Variants in CACNA1B observed in about 807,000 individuals in gnomAD.
CACNA1B encodes the protein voltage-dependent N-type calcium channel subunit alpha-1B.
Under a neutral mutation model 247.2 loss-of-function variants are expected in CACNA1B, and 70 were observed. That is an observed-to-expected ratio of 0.28 (90% CI 0.23 to 0.35). The LOEUF (loss-of-function observed/expected upper bound fraction) is 0.35. Ranked by LOEUF, CACNA1B falls within the 10% of genes least tolerant of loss-of-function variation. CACNA1B has a pLI of 1.00. For synonymous variants in CACNA1B, 1,231 were observed against 1,294.4 expected (o/e 0.95, Z 1.05); for missense variants, 2,367 against 3,197.4 (o/e 0.74, Z 6.26).
At position 138,117,867 on chromosome 9, in the gene CACNA1B, C is replaced by T. The variant is rs981616532; in HGVS notation, c.5778-79C>T. On this transcript the variant is annotated intron_variant, in intron 42 of 46. Coordinates refer to ENST00000371372, the MANE Select transcript of CACNA1B (RefSeq NM_000718.4). The stretch of plus-strand genomic sequence containing the variant: ...TGCTGCATGTGTTGGAGACGCCTGG[C>T]AGGTTGAAGCACCAGGCTATTGGTA... 4 of 1,150,862 alleles carry T rather than the reference C, an allele frequency of 3.5e-6. No homozygotes were observed. The African/African-American group carries it at 6.2e-5, about 18-fold the overall frequency. 71.3% of individuals were successfully genotyped at this position (1,150,862 alleles called of 1,614,324 possible). A position where few individuals can be genotyped will look rare whatever the true frequency, so the allele number is the denominator to read the frequency against.
chr9:138,117,903 A>T, intron 42 of CACNA1B, 43 bp from the exon 43 acceptor site: 1 of 1,496,374 alleles, frequency 6.7e-7, no homozygotes, highest in Admixed American at 2.0e-5. Flanking sequence ...AGGCACCTGC[A>T]GTCTCTGACC....
intron 20 of CACNA1B, chr9:138,032,837 G>T: frequency 2.7e-6 from 1 of 365,726 alleles, no homozygotes; most frequent in Non-Finnish European, 5.3e-6. Context: ...TCAGAAGTTT[G>T]ATTACAGTGT....
At position 137,981,482 on chromosome 9, in the gene CACNA1B, T is replaced by A. The variant is rs150425995; in HGVS notation, c.1657-2656T>A. The stretch of plus-strand genomic sequence containing the variant: ...CCCCTGGTTGATTAAGCATGTTTTC[T>A]ACCTTTTTTTGTGTGTGTGTGTCTC... On this transcript the variant is annotated intron_variant, in intron 12 of 46. Transcript: ENST00000371372. Among the ~76,000 whole-genome samples the A allele has an allele frequency of 3.3e-5, 5 of 152,346 alleles. No individual in the cohort carries two copies. In the East Asian group the frequency reaches 7.7e-4, roughly 23 times the overall value.
Position 138,023,326 on chromosome 9 carries a change from C to T in CACNA1B, c.2583C>T (p.Pro861=), listed in dbSNP as rs541063439. ...GGCACCGCGACAAGGACAAGACCCC[C>T]GCGGCGGGGGACCAGGACCGAGCAG... The part of the protein sequence containing the change: ...HHRHRDKDKT[P]AAGDQDRAEA... Residue 861 remains proline (P), a synonymous_variant, in exon 19 of 47, where the codon CCC becomes CCT. Coordinates refer to ENST00000371372, the MANE Select transcript of CACNA1B (RefSeq NM_000718.4). The T allele has an allele frequency of 5.0e-5, 76 of 1,507,198 alleles. No individual in the cohort carries two copies. The Middle Eastern group carries it at 5.9e-4, about 12-fold the overall frequency. 93.4% of individuals were successfully genotyped at this position (1,507,198 alleles called of 1,614,324 possible). A position where few individuals can be genotyped will look rare whatever the true frequency, so the allele number is the denominator to read the frequency against.
intron 20 of CACNA1B, among the ~76,000 whole-genome samples, chr9:138,038,330 A>T (rs1959071729): frequency 6.6e-6 from 1 of 152,152 alleles, no homozygotes; most frequent in Non-Finnish European, 1.5e-5. Flanking sequence ...ATGTTCCAGG[A>T]TCGTTGTGCA....
intron 18 of CACNA1B, among the ~76,000 whole-genome samples, chr9:138,017,412 C>A (rs972417971): frequency 2.6e-5 from 4 of 152,242 alleles, no homozygotes; most frequent in African/African-American, 7.2e-5. Context: ...CTGCGCTCAG[C>A]GCCTCCTCCT....
chr9:137,926,522 G>A (rs1957553216), intron 6 of CACNA1B, among the ~76,000 whole-genome samples: 1 of 152,188 alleles, frequency 6.6e-6, no homozygotes, highest in Non-Finnish European at 1.5e-5. Flanking sequence ...TTGAGACCTT[G>A]CTTTCAATTC....
In CACNA1B at chr9:138,043,874, C is replaced by T; in HGVS notation, c.3387C>T (p.Ser1129=). The T allele has an allele frequency of 6.2e-7, 1 of 1,614,004 alleles. No homozygotes were observed. The highest frequency in any genetic ancestry group is 8.5e-7 in the Non-Finnish European group (1 of 1,179,876). The change falls in exon 21 of 47, where the codon TCC becomes TCT. Residue 1129 remains serine, a synonymous_variant. Transcript: ENST00000371372. The part of the protein sequence containing the change: ...SGPRPIVPYS[S]MFCLSPTNLL... ...CCCGGCCTATCGTCCCATACAGCTCCATGTTCTGTTTAAGCCCCACCAACC... is the reference window on the plus strand; with the variant it reads ...CCCGGCCTATCGTCCCATACAGCTCTATGTTCTGTTTAAGCCCCACCAACC...
chr9:137,954,686 C>T lies in CACNA1B; in HGVS notation c.1071-1012C>T, dbSNP rs367827847. 1.1e-4 allele frequency among the ~76,000 whole-genome samples: 16 copies of T among 152,216 alleles called. No individual in the cohort carries two copies. Among genetic ancestry groups the T allele is most frequent in the South Asian group, 4.2e-4 (2 of 4,816 alleles). Reference sequence around the variant, plus strand: ...CTTGGGATGCCCAGATGGGAGGGTGCACCTGGGCAGGCCTGGTCACCTTGC... The same window carrying T: ...CTTGGGATGCCCAGATGGGAGGGTGTACCTGGGCAGGCCTGGTCACCTTGC... On this transcript the variant is annotated intron_variant, in intron 7 of 46. Transcript: ENST00000371372. This position sits in a 1 kb window ranked among gnomAD's most constrained non-coding sequence, Gnocchi z 4.1.
chr9:138,058,526 G>T lies in CACNA1B; in HGVS notation c.4309-43G>T. 1 of 1,570,798 alleles carries T rather than the reference G, an allele frequency of 6.4e-7. No homozygotes were observed. The highest frequency in any genetic ancestry group is 8.6e-7 in the Non-Finnish European group (1 of 1,157,492). The stretch of plus-strand genomic sequence containing the variant: ...GGGTGCAGTAGATGCCGTCGGGTAG[G>T]TTTTCTGCTTCTGAGTCTCTGTGCT... On this transcript the variant is annotated intron_variant, in intron 28 of 46. Coordinates refer to ENST00000371372, the MANE Select transcript of CACNA1B (RefSeq NM_000718.4). This position sits in a 1 kb window ranked among gnomAD's most constrained non-coding sequence, Gnocchi z 4.7.
In CACNA1B at chr9:137,973,406, G is replaced by A. The variant is rs545118556; in HGVS notation, c.1543+1814G>A. Among the ~76,000 whole-genome samples the A allele has an allele frequency of 3.3e-5, 5 of 152,290 alleles. No individual in the cohort carries two copies. The highest frequency in any genetic ancestry group is 1.3e-4 in the Admixed American group (2 of 15,300). On this transcript the variant is annotated intron_variant, in intron 11 of 46. Coordinates refer to ENST00000371372, the MANE Select transcript of CACNA1B (RefSeq NM_000718.4). The surrounding 1 kb of genome is among the most constrained non-coding windows in gnomAD (Gnocchi z 4.1). ...TAGAGCAGCTTTGCAGGGGCTCATC[G>A]TGGGTTCTGTGCACCTCGGCTGTCC... is the stretch of plus-strand genomic sequence containing the variant.
At chr9:137,925,087 C>T (rs1957534401) in intron 6 of CACNA1B, among the ~76,000 whole-genome samples, 2 of 152,206 alleles carry the variant, frequency 1.3e-5, no homozygotes, top group African/African-American at 4.8e-5. Context: ...CCTAGTTCCC[C>T]AGGGAAAACC....
chr9:137,983,985 T>C (rs1189587740), intron 12 of CACNA1B, among the ~76,000 whole-genome samples, 153 bp from the exon 13 acceptor site: 1 of 152,154 alleles, frequency 6.6e-6, no homozygotes, highest in Non-Finnish European at 1.5e-5. Context: ...GTGAGGTGTG[T>C]GCCTTGTGTT....
chr9:138,094,233 A>C (rs534752660), intron 36 of CACNA1B, among the ~76,000 whole-genome samples: 5 of 152,136 alleles, frequency 3.3e-5, no homozygotes, highest in Non-Finnish European at 5.9e-5. Context: ...ATTCATCGAG[A>C]CAGTAAGTAG....
chr9:138,107,597 T>G (rs1168053110), intron 39 of CACNA1B, among the ~76,000 whole-genome samples: 1 of 152,118 alleles, frequency 6.6e-6, no homozygotes, highest in African/African-American at 2.4e-5. Context: ...CCTCTGGCTC[T>G]CAGCTGTTGC....
rs145967358 is a variant in CACNA1B, at chr9:137,951,000, C to T, written c.967-1274C>T. 1.3e-3 allele frequency among the ~76,000 whole-genome samples: 194 copies of T among 152,272 alleles called. No homozygotes were observed. Among genetic ancestry groups the T allele is most frequent in the Non-Finnish European group, 2.2e-3 (149 of 68,028 alleles). On this transcript the variant is annotated intron_variant, in intron 6 of 46. Transcript: ENST00000371372. This position sits in a 1 kb window ranked among gnomAD's most constrained non-coding sequence, Gnocchi z 4.8. Reference sequence around the variant, plus strand: ...AACACTCCACTGGGGAGGGAAATTGCGGGAGCCAAGTGCTTGAGCAGGTGA... The same window carrying T: ...AACACTCCACTGGGGAGGGAAATTGTGGGAGCCAAGTGCTTGAGCAGGTGA...
intron 18 of CACNA1B, among the ~76,000 whole-genome samples, chr9:138,021,820 C>G (rs759644983): frequency 2.6e-5 from 4 of 152,214 alleles, no homozygotes; most frequent in Non-Finnish European, 5.9e-5. Flanking sequence ...CAGAGCACCA[C>G]GTGGCAGTTG....
At chr9:138,066,728 A>G (rs1959931580) in intron 31 of CACNA1B, among the ~76,000 whole-genome samples, 1 of 152,252 alleles carries the variant, frequency 6.6e-6, no homozygotes, top group Non-Finnish European at 1.5e-5. Context: ...AGCTCATGAG[A>G]TAACAGCTGA....
Position 138,020,060 on chromosome 9 carries a change from G to A in CACNA1B, c.2268-2951G>A, listed in dbSNP as rs765933892. Among the ~76,000 whole-genome samples, 13 of 142,286 alleles carry A rather than the reference G, an allele frequency of 9.1e-5. No homozygotes were observed. Among genetic ancestry groups the A allele is most frequent in the African/African-American group, 3.5e-4 (13 of 37,340 alleles). 93.3% of individuals were successfully genotyped at this position (142,286 alleles called of 152,430 possible). On this transcript the variant is annotated intron_variant, in intron 18 of 46. Coordinates refer to ENST00000371372, the MANE Select transcript of CACNA1B (RefSeq NM_000718.4). This position sits in a 1 kb window ranked among gnomAD's most constrained non-coding sequence, Gnocchi z 4.1. ...TGCAGTGAGCCGTGATCACACCACTGCACTCCAGCCTGGGCGACACAGCGA... is the reference window on the plus strand; with the variant it reads ...TGCAGTGAGCCGTGATCACACCACTACACTCCAGCCTGGGCGACACAGCGA...
Sources: gnomAD v4.1 joint callset for allele counts (sites outside exome capture counted in the v4.1 genomes callset) on GRCh38, gnomAD v4.1.1 for gene constraint, Gnocchi (gnomAD v3.1) non-coding constraint, MANE v1.5 for transcripts, NCBI Gene and HGNC (gene_info 2026-07-23, HGNC 2026-07-21) for gene names.